The following GLYATL2 variants were observed in gnomAD, a reference collection of about 807,000 sequenced individuals.
GLYATL2 encodes glycine N-acyltransferase-like protein 2.
GLYATL2 carries 25 observed loss-of-function variants against 21.4 expected under a neutral mutation model. The ratio of observed to expected loss-of-function variants is 1.17; its 90% CI spans 0.85 to 1.63. The LOEUF is 1.63. GLYATL2 is among the 40% of genes most tolerant of loss of function. GLYATL2 has a pLI of 0.00. For synonymous variants in GLYATL2, 114 were observed against 118.2 expected (o/e 0.96, Z 0.23); for missense variants, 361 against 343.3 (o/e 1.05, Z -0.41).
chr11:58,879,700 A>C (rs1854297519), intron 1 of GLYATL2, among the ~76,000 whole-genome samples: 1 of 152,164 alleles, frequency 6.6e-6, no homozygotes, highest in Non-Finnish European at 1.5e-5. Context: ...ATTGTGTTTT[A>C]ATGGGTACAG....
At chr11:58,870,777 G>A (rs889200121) in intron 1 of GLYATL2, among the ~76,000 whole-genome samples, 3 of 152,190 alleles carry the variant, frequency 2.0e-5, no homozygotes, top group African/African-American at 4.8e-5. Context: ...TGCAATAGAC[G>A]TGTGTTGCAG....
intron 1 of GLYATL2, among the ~76,000 whole-genome samples, chr11:58,865,210 G>A (rs1054554794): frequency 2.7e-5 from 4 of 148,662 alleles, no homozygotes; most frequent in Admixed American, 2.1e-4. Context: ...TCTTCATGAA[G>A]TGTGACTTGT....
chr11:58,865,868 T>C lies in GLYATL2; in HGVS notation n.61-27500A>G, dbSNP rs1055633038. On this transcript the variant is annotated intron_variant and non_coding_transcript_variant, in intron 1 of 4. Transcript: ENST00000533636. Reference sequence around the variant, plus strand: ...AAAGATGAAAGAAAGACAAAGAAAATATTTAGGAGCAATAAAAGGAGTCCC... The same window carrying C: ...AAAGATGAAAGAAAGACAAAGAAAACATTTAGGAGCAATAAAAGGAGTCCC... 1.2e-4 allele frequency among the ~76,000 whole-genome samples: 18 copies of C among 148,816 alleles called. 1 individual carries two copies. Among genetic ancestry groups the C allele is most frequent in the Admixed American group, 2.1e-4 (3 of 14,510 alleles).
chr11:58,835,326 T>G (rs1853409980), intron 5 of GLYATL2, among the ~76,000 whole-genome samples: 2 of 152,258 alleles, frequency 1.3e-5, no homozygotes, highest in South Asian at 4.1e-4. Flanking sequence ...TACATCTTCA[T>G]GTGTCCCAAA....
upstream of GLYATL2, among the ~76,000 whole-genome samples, chr11:58,849,595 T>G (rs1353390153): frequency 6.6e-6 from 1 of 152,234 alleles, no homozygotes; most frequent in African/African-American, 2.4e-5. Context: ...ACAGCTTCAC[T>G]GCTGAATTCT....
chr11:58,908,743 A>G (rs372599243), upstream of GLYATL2: 2 of 152,340 alleles, frequency 1.3e-5, no homozygotes, highest in East Asian at 3.9e-4. Flanking sequence ...ACAATGATAA[A>G]CATGTCTTAA....
chr11:58,888,992 T>C (rs1007202580), intron 1 of GLYATL2, among the ~76,000 whole-genome samples: 3 of 150,584 alleles, frequency 2.0e-5, no homozygotes, highest in Non-Finnish European at 3.0e-5. Flanking sequence ...TTTTTTGTGA[T>C]ACTAAATCTT....
intron 1 of GLYATL2, chr11:58,892,742 C>T: frequency 2.9e-6 from 1 of 348,296 alleles, no homozygotes; most frequent in East Asian, 5.4e-5. Flanking sequence ...AAGAGCATTC[C>T]TCTGTATTAT....
At chr11:58,888,499 A>G (rs1011490101) in intron 1 of GLYATL2, among the ~76,000 whole-genome samples, 2 of 152,012 alleles carry the variant, frequency 1.3e-5, no homozygotes, top group African/African-American at 4.8e-5. Context: ...AATAGCATGA[A>G]TTAACATTCT....
At chr11:58,839,499 C>T (rs749794954) in intron 2 of GLYATL2, 36 bp downstream of exon 2, 1 of 1,362,544 alleles carries the variant, frequency 7.3e-7, no homozygotes, top group South Asian at 1.3e-5. Context: ...CTCAACTCAA[C>T]CCTCTCTCTC....
At chr11:58,880,584 G>C (rs1854315509) in intron 1 of GLYATL2, among the ~76,000 whole-genome samples, 1 of 152,084 alleles carries the variant, frequency 6.6e-6, no homozygotes, top group Non-Finnish European at 1.5e-5. Flanking sequence ...AAGTGTATGG[G>C]TAATTTTAGT....
intron 1 of GLYATL2, among the ~76,000 whole-genome samples, chr11:58,870,611 A>C (rs547046822): frequency 6.6e-6 from 1 of 152,334 alleles, no homozygotes; most frequent in East Asian, 1.9e-4. Context: ...CTTGGGGCAC[A>C]GTTTTACAAA....
intron 1 of GLYATL2, among the ~76,000 whole-genome samples, chr11:58,889,260 G>A (rs185154174): frequency 6.6e-6 from 1 of 151,486 alleles, no homozygotes; most frequent in Non-Finnish European, 1.5e-5. Context: ...GTTTTTTTGT[G>A]TGTGTGGGGG....
At chr11:58,900,076 C>A (rs928315477) in intron 1 of GLYATL2, among the ~76,000 whole-genome samples, 3 of 152,100 alleles carry the variant, frequency 2.0e-5, no homozygotes, top group Admixed American at 2.0e-4. Flanking sequence ...TTTAAAAAAA[C>A]CTCCTCTGCT....
chr11:58,860,206 T>A (rs763419791), intron 1 of GLYATL2, among the ~76,000 whole-genome samples: 8 of 152,172 alleles, frequency 5.3e-5, no homozygotes, highest in African/African-American at 9.6e-5. Flanking sequence ...ACTTGGGCCA[T>A]TATTGTCATT....
intron 1 of GLYATL2, among the ~76,000 whole-genome samples, chr11:58,860,811 T>C (rs1442846625): frequency 6.6e-6 from 1 of 152,056 alleles, no homozygotes; most frequent in Non-Finnish European, 1.5e-5. Context: ...AATCAGGAAA[T>C]CATGGTGAGC....
chr11:58,894,670 C>A (rs1307633084), intron 1 of GLYATL2, among the ~76,000 whole-genome samples: 1 of 152,050 alleles, frequency 6.6e-6, no homozygotes, highest in African/African-American at 2.4e-5. Flanking sequence ...GTGTGCAGTT[C>A]CAGCAATTAA....
chr11:58,903,774 T>C (rs1256500680), intron 1 of GLYATL2, among the ~76,000 whole-genome samples: 1 of 152,232 alleles, frequency 6.6e-6, no homozygotes, highest in Non-Finnish European at 1.5e-5. Flanking sequence ...GTGTCTTTTA[T>C]TTTGATCTAT....
upstream of GLYATL2, among the ~76,000 whole-genome samples, chr11:58,904,579 C>A (rs1232339428): frequency 6.6e-6 from 1 of 152,244 alleles, no homozygotes; most frequent in Non-Finnish European, 1.5e-5. Context: ...CTCTCCGATG[C>A]ATATTAGTGC....
Sources: allele counts gnomAD v4.1 joint callset (sites outside exome capture counted in the v4.1 genomes callset), GRCh38; gene constraint gnomAD v4.1.1; transcripts MANE v1.5; gene names NCBI Gene and HGNC (gene_info 2026-07-23, HGNC 2026-07-21).